TNFSF4: variants seen among roughly 807,000 people sequenced by gnomAD.
The protein encoded by TNFSF4 is TNF superfamily member 4.
A neutral mutation model predicts 7.3 loss-of-function variants in TNFSF4; 4 were observed. The observed-to-expected ratio is 0.55, with a 90% CI of 0.27 to 1.25. TNFSF4 has a LOEUF of 1.25. TNFSF4 is among the 50% of genes most tolerant of loss of function. The probability of loss-of-function intolerance (pLI) is 0.12; values close to 1 mark genes in which losing one functional copy is unlikely to be tolerated. For synonymous variants in TNFSF4, 76 were observed against 83.7 expected, an observed-to-expected ratio of 0.91 and a Z score of 0.50; for missense variants, 181 against 208.8, an observed-to-expected ratio of 0.87 and a Z score of 0.82.
At chr1:173,375,963 C>T in the TNFSF4 span, among the ~76,000 whole-genome samples, 11 of 152,268 alleles carry the variant, frequency 7.2e-5, no homozygotes, top group African/African-American at 1.2e-4. Flanking sequence ...CTGGCAGGAA[C>T]GAACTCCAGA....
At chr1:173,398,522 T>A in the TNFSF4 span, among the ~76,000 whole-genome samples, 1 of 151,386 alleles carries the variant, frequency 6.6e-6, no homozygotes, top group Non-Finnish European at 1.5e-5. Flanking sequence ...CCTCCCAGGT[T>A]CACACCATTC....
At chr1:173,244,002 A>G in the TNFSF4 span, among the ~76,000 whole-genome samples, 2 of 152,234 alleles carry the variant, frequency 1.3e-5, no homozygotes, top group East Asian at 1.9e-4. Context: ...TTCCAAGTTC[A>G]CTAAGCTTTT....
At chr1:173,228,214 C>T in the TNFSF4 span, among the ~76,000 whole-genome samples, 1 of 152,202 alleles carries the variant, frequency 6.6e-6, no homozygotes, top group Non-Finnish European at 1.5e-5. Context: ...CAGCTGGGTA[C>T]CCCTCTGAGA....
At chr1:173,224,117 A>C in the TNFSF4 span, among the ~76,000 whole-genome samples, 1 of 152,230 alleles carries the variant, frequency 6.6e-6, no homozygotes, top group Non-Finnish European at 1.5e-5. Context: ...GTCCAAACAT[A>C]GGACATTTTC....
the TNFSF4 span, among the ~76,000 whole-genome samples, chr1:173,268,507 G>A: frequency 6.6e-6 from 1 of 151,906 alleles, no homozygotes; most frequent in South Asian, 2.1e-4. Flanking sequence ...AATACCTAGA[G>A]CAACCACTAA....
chr1:173,205,200 G>T, intron 1 of TNFSF4: 1 of 1,272,690 alleles, frequency 7.9e-7, no homozygotes, highest in Non-Finnish European at 1.1e-6. Flanking sequence ...TCTATTTTCA[G>T]AGTAGACAGG....
the TNFSF4 span, among the ~76,000 whole-genome samples, chr1:173,251,450 C>T: frequency 6.6e-6 from 1 of 152,152 alleles, no homozygotes; most frequent in African/African-American, 2.4e-5. Context: ...TATGACAGTG[C>T]CTAGCACATA....
the TNFSF4 span, among the ~76,000 whole-genome samples, chr1:173,385,392 C>T: frequency 1.3e-5 from 2 of 152,104 alleles, no homozygotes; most frequent in African/African-American, 4.8e-5. Context: ...AGTTGCAACC[C>T]TCTTAGCAAA....
chr1:173,417,547 A>G, the TNFSF4 span, among the ~76,000 whole-genome samples: 2 of 152,240 alleles, frequency 1.3e-5, no homozygotes, highest in African/African-American at 4.8e-5. Context: ...CAAGCCATCA[A>G]TAACCAAGAC....
the TNFSF4 span, among the ~76,000 whole-genome samples, chr1:173,366,806 G>A: frequency 8.5e-6 from 1 of 118,318 alleles, no homozygotes; most frequent in Non-Finnish European, 1.8e-5. Flanking sequence ...ATATATATAT[G>A]TCCTATAAAC....
the TNFSF4 span, among the ~76,000 whole-genome samples, chr1:173,229,403 G>C: frequency 1.3e-5 from 2 of 152,140 alleles, no homozygotes; most frequent in African/African-American, 4.8e-5. Flanking sequence ...GTCAGAACCA[G>C]GCCTGCCCGA....
intron 1 of TNFSF4, among the ~76,000 whole-genome samples, chr1:173,199,251 A>G (rs1365245884): frequency 2.0e-5 from 3 of 152,244 alleles, no homozygotes; most frequent in Admixed American, 2.0e-4. Flanking sequence ...ACATTGCTGA[A>G]TAAGTTGATG....
At chr1:173,256,983 C>A in the TNFSF4 span, among the ~76,000 whole-genome samples, 4 of 152,340 alleles carry the variant, frequency 2.6e-5, no homozygotes, top group African/African-American at 7.2e-5. Flanking sequence ...AGCAAAGGGA[C>A]TAAAGTCATC....
the TNFSF4 span, among the ~76,000 whole-genome samples, chr1:173,277,177 T>C: frequency 2.6e-5 from 4 of 152,030 alleles, no homozygotes; most frequent in African/African-American, 4.8e-5. Flanking sequence ...CCACCTTCCA[T>C]AGTGAGGAGA....
the TNFSF4 span, among the ~76,000 whole-genome samples, chr1:173,229,104 G>A: frequency 1.3e-5 from 2 of 152,130 alleles, no homozygotes; most frequent in African/African-American, 4.8e-5. Flanking sequence ...TCCTCAAGAA[G>A]AGCAACCCTA....
the TNFSF4 span, among the ~76,000 whole-genome samples, chr1:173,261,766 A>G: frequency 6.6e-6 from 1 of 152,176 alleles, no homozygotes; most frequent in South Asian, 2.1e-4. Context: ...ATATCCTCCC[A>G]AGACTGAACC....
At chr1:173,284,725 A>ACTCTCC in the TNFSF4 span, among the ~76,000 whole-genome samples, 1 of 152,314 alleles carries the variant, frequency 6.6e-6, no homozygotes, top group South Asian at 2.1e-4. Context: ...TGGAACAACA[A>ACTCTCC]AGGCTGAATG....
the TNFSF4 span, among the ~76,000 whole-genome samples, chr1:173,231,197 TA>T: frequency 6.6e-6 from 1 of 152,212 alleles, no homozygotes; most frequent in Non-Finnish European, 1.5e-5. Flanking sequence ...AAATCCTCAG[TA>T]AATTACTGGC....
intron 1 of TNFSF4, chr1:173,205,437 A>G: frequency 6.3e-7 from 1 of 1,582,746 alleles, no homozygotes; most frequent in Non-Finnish European, 8.6e-7. Flanking sequence ...CTGGATATTG[A>G]TAGTCCAATG....
Sources: gnomAD v4.1 joint callset for allele counts (sites outside exome capture counted in the v4.1 genomes callset) on GRCh38, gnomAD v4.1.1 for gene constraint, MANE v1.5 for transcripts, NCBI Gene and HGNC (gene_info 2026-07-23, HGNC 2026-07-21) for gene names.